HOXC5: variants seen among roughly 807,000 people sequenced by gnomAD.
HOXC5 encodes the protein homeobox protein Hox-C5.
A neutral mutation model predicts 20.1 loss-of-function variants in HOXC5; 19 were observed. The ratio of observed to expected loss-of-function variants is 0.94; its 90% CI spans 0.66 to 1.38. The LOEUF is 1.38. Among genes scored for constraint, HOXC5 ranks in the 40% most tolerant of loss-of-function variants. The probability of loss-of-function intolerance (pLI) is 0.00; values close to 1 mark genes in which losing one functional copy is unlikely to be tolerated. For synonymous variants in HOXC5, 124 were observed against 117.0 expected (o/e 1.06, Z -0.39); for missense variants, 330 against 300.1 (o/e 1.10, Z -0.74).
At chr12:54,029,592 G>A, upstream of HOXC5, 1 of 1,540,720 alleles carries the variant, frequency 6.5e-7, no homozygotes, top group Non-Finnish European at 8.8e-7. Context: ...TTTGCTAGGC[G>A]AAACAGTCTG....
At chr12:54,026,895 A>G in the HOXC5 span, among the ~76,000 whole-genome samples, 1 of 152,058 alleles carries the variant, frequency 6.6e-6, no homozygotes, top group Non-Finnish European at 1.5e-5. Context: ...GGAAAAGATC[A>G]TAAAATCCGG....
the HOXC5 span, among the ~76,000 whole-genome samples, chr12:54,018,972 T>C: frequency 3.9e-5 from 6 of 152,236 alleles, no homozygotes; most frequent in East Asian, 1.2e-3. Flanking sequence ...GGAAGAAACC[T>C]GTTTTTATCA....
chr12:54,029,468 G>A (rs977437609), upstream of HOXC5, among the ~76,000 whole-genome samples: 4 of 141,512 alleles, frequency 2.8e-5, no homozygotes, highest in Non-Finnish European at 4.5e-5. Context: ...CTTATAGGAG[G>A]TCTGAAGTTG....
chr12:54,027,193 C>T, the HOXC5 span, among the ~76,000 whole-genome samples: 1 of 152,276 alleles, frequency 6.6e-6, no homozygotes, highest in Non-Finnish European at 1.5e-5. Context: ...TTTTTTTAGC[C>T]CCAAGATGGG....
chr12:54,024,645 C>T, the HOXC5 span, among the ~76,000 whole-genome samples: 1 of 152,184 alleles, frequency 6.6e-6, no homozygotes, highest in Non-Finnish European at 1.5e-5. Context: ...CCACGAACTT[C>T]TTCAGGCTGG....
At position 54,034,503 on chromosome 12, in the gene HOXC5, G is replaced by A. The variant is rs767865645; in HGVS notation, c.*11G>A. On this transcript the variant is annotated 3_prime_UTR_variant, in exon 2 of 2. Coordinates refer to ENST00000312492, the MANE Select transcript of HOXC5 (RefSeq NM_018953.4). ...AAAGAGGCTCTTTAGAGGCAGCGGG[G>A]GAGGCCCGCAGAGCGCGCCCCTAGC... The A allele has an allele frequency of 1.9e-6, 3 of 1,609,458 alleles. No homozygotes were observed. In the African/African-American group the frequency reaches 4.0e-5, roughly 22 times the overall value.
chr12:54,032,843 T>A, upstream of HOXC5: 4 of 161,842 alleles, frequency 2.5e-5, no homozygotes, highest in Non-Finnish European at 3.7e-5. Flanking sequence ...TCTCACTCCC[T>A]CTCCCCCTTG....
the HOXC5 span, among the ~76,000 whole-genome samples, chr12:54,024,346 C>G: frequency 1.3e-5 from 2 of 152,064 alleles, no homozygotes; most frequent in Non-Finnish European, 2.9e-5. Context: ...TGCTTGGGTC[C>G]CCGAGCAGCC....
the HOXC5 span, chr12:54,017,515 T>A: frequency 6.7e-6 from 1 of 149,190 alleles, no homozygotes; most frequent in African/African-American, 2.5e-5. Context: ...AAGAGGGGGC[T>A]GGCGAGAGGG....
chr12:54,029,762 C>G, upstream of HOXC5: 1 of 1,614,124 alleles, frequency 6.2e-7, no homozygotes. Context: ...AACGCGGCGC[C>G]GGCGCATCGA....
the HOXC5 span, among the ~76,000 whole-genome samples, chr12:54,019,686 C>T: frequency 6.6e-6 from 1 of 152,064 alleles, no homozygotes; most frequent in Non-Finnish European, 1.5e-5. Flanking sequence ...ACCCGAGGGG[C>T]GGGCCTGGGC....
At chr12:54,020,563 A>G in the HOXC5 span, 2 of 152,222 alleles carry the variant, frequency 1.3e-5, no homozygotes, top group African/African-American at 4.8e-5. Flanking sequence ...AGGCTTAAAT[A>G]TACAGACTCA....
chr12:54,028,966 G>A, upstream of HOXC5: 1 of 1,537,088 alleles, frequency 6.5e-7, no homozygotes, highest in South Asian at 1.2e-5. Context: ...AACTGAACTG[G>A]CTTTATGACC....
the HOXC5 span, among the ~76,000 whole-genome samples, chr12:54,024,455 T>C: frequency 3.9e-5 from 6 of 152,130 alleles, no homozygotes; most frequent in Non-Finnish European, 8.8e-5. Context: ...CGCGCAGAGT[T>C]AGGGGATCTG....
chr12:54,030,133 C>T (rs1246955338), upstream of HOXC5: 2 of 615,224 alleles, frequency 3.3e-6, no homozygotes, highest in South Asian at 2.4e-5. Context: ...CCCCCTCCCT[C>T]ACCGCACAAC....
In HOXC5 at chr12:54,034,305, G is replaced by C. The variant is rs748844243; in HGVS notation, c.482G>C (p.Ser161Thr). 1.7e-5 allele frequency: 27 copies of C among 1,614,084 alleles called. No individual in the cohort carries two copies. The highest frequency in any genetic ancestry group is 1.9e-5 in the Non-Finnish European group (23 of 1,180,026). Residue 161 changes from serine to threonine, a missense_variant, in exon 2 of 2, where the codon AGT becomes ACT. By Grantham distance (58) the Ser-to-Thr change is moderately conservative (BLOSUM62 1). Transcript: ENST00000312492. ...ACGGACGGCAAGCGGTCCCGAACCA[G>C]TTACACGCGCTACCAGACTCTGGAA... is the stretch of plus-strand genomic sequence containing the variant. ...HETDGKRSRTSYTRYQTLELE... is the reference protein window; with the variant it reads ...HETDGKRSRTTYTRYQTLELE...
At chr12:54,029,005 G>C, upstream of HOXC5, 1 of 1,317,518 alleles carries the variant, frequency 7.6e-7, no homozygotes, top group Non-Finnish European at 1.0e-6. Context: ...GGCGGAGAGA[G>C]TTTTTTATGG....
upstream of HOXC5, chr12:54,029,971 G>A (rs1337829032): frequency 1.3e-6 from 2 of 1,532,788 alleles, no homozygotes; most frequent in Admixed American, 2.1e-5. Context: ...GACCAGGACT[G>A]TCCCTGCCAC....
the HOXC5 span, among the ~76,000 whole-genome samples, chr12:54,017,962 C>T: frequency 6.6e-6 from 1 of 152,154 alleles, no homozygotes; most frequent in East Asian, 1.9e-4. Context: ...CAGTGTGGGC[C>T]CAGGGCCGGG....
Sources: gnomAD v4.1 joint callset for allele counts (sites outside exome capture counted in the v4.1 genomes callset) on GRCh38, gnomAD v4.1.1 for gene constraint, MANE v1.5 for transcripts, NCBI Gene and HGNC (gene_info 2026-07-23, HGNC 2026-07-21) for gene names.